The following KLK11 variants were observed in gnomAD, a reference collection of about 807,000 sequenced individuals.
KLK11 encodes the protein kallikrein related peptidase 11.
A neutral mutation model predicts 23.4 loss-of-function variants in KLK11; 10 were observed. The observed-to-expected ratio is 0.43, with a 90% CI of 0.26 to 0.73. The LOEUF (loss-of-function observed/expected upper bound fraction) is 0.73. KLK11 is among the 30% of genes least tolerant of loss of function. KLK11 has a pLI of 0.22. For synonymous variants in KLK11, 131 were observed against 131.7 expected, an observed-to-expected ratio of 0.99 and a Z score of 0.03; for missense variants, 285 against 327.8, an observed-to-expected ratio of 0.87 and a Z score of 1.01.
At chr19:51,027,466 T>C (rs372936267), upstream of KLK11, 264 of 1,613,166 alleles carry the variant, frequency 1.6e-4, no homozygotes, top group Middle Eastern at 9.9e-4. Flanking sequence ...CTGGCTGCTG[T>C]GAGACCTCTG....
Position 51,025,679 on chromosome 19 carries a change from A to T in KLK11, c.-35-13T>A. 1 of 1,465,574 alleles carries T rather than the reference A, an allele frequency of 6.8e-7. No homozygotes were observed. Among genetic ancestry groups the T allele is most frequent in the Non-Finnish European group, 9.3e-7 (1 of 1,078,754 alleles). 90.8% of individuals were successfully genotyped at this position (1,465,574 alleles called of 1,614,324 possible). A position where few individuals can be genotyped will look rare whatever the true frequency, so the allele number is the denominator to read the frequency against. On this transcript the variant is annotated splice_polypyrimidine_tract_variant and intron_variant, in intron 1 of 5. Coordinates refer to ENST00000453757, the MANE Select transcript of KLK11 (RefSeq NM_001136032.3). The surrounding 1 kb of genome is among the most constrained non-coding windows in gnomAD (Gnocchi z 6.2). The stretch of plus-strand genomic sequence containing the variant: ...GCCCCAGGTTCCTCTGGGAACAAGG[A>T]GGGACATGGGGCCGCATCACTTTAC...
intron 5 of KLK11, 86 bp from the exon 6 acceptor site, chr19:51,022,783 T>C: frequency 2.7e-6 from 4 of 1,455,320 alleles, no homozygotes; most frequent in Non-Finnish European, 3.8e-6. Context: ...TGCTTAGGAG[T>C]GGGGCCGAGA....
At position 51,024,664 on chromosome 19, in the gene KLK11, G is replaced by A. The variant is rs200000907; in HGVS notation, c.171C>T (p.Leu57=). ...CGATLIAPRW[L]LTAAHCLKPR... is the part of the protein sequence containing the mutation. The stretch of plus-strand genomic sequence containing the variant: ...GCTTGAGGCAGTGGGCTGCTGTCAG[G>A]AGCCATCTGGGGGCGATGAGCGTCG... The change falls in exon 3 of 6, where the codon CTC becomes CTT. Residue 57 remains leucine, a synonymous_variant. Coordinates refer to ENST00000453757, the MANE Select transcript of KLK11 (RefSeq NM_001136032.3). This position sits in a 1 kb window ranked among gnomAD's most constrained non-coding sequence, Gnocchi z 6.2. 3 of 1,591,528 alleles carry A rather than the reference G, an allele frequency of 1.9e-6. No homozygotes were observed. In the African/African-American group the frequency reaches 4.0e-5, roughly 21 times the overall value.
upstream of KLK11, chr19:51,027,541 CT>C: frequency 6.2e-7 from 1 of 1,613,716 alleles, no homozygotes; most frequent in East Asian, 2.2e-5. Flanking sequence ...GCGCAGATTC[CT>C]GCTTCTCCCA....
chr19:51,023,599 G>A, intron 4 of KLK11: 1 of 223,402 alleles, frequency 4.5e-6, no homozygotes, highest in Non-Finnish European at 8.8e-6. Flanking sequence ...TGGCCAGGCT[G>A]GTATCAAAGT....
At chr19:51,027,330 G>A, upstream of KLK11, 2 of 969,332 alleles carry the variant, frequency 2.1e-6, no homozygotes, top group South Asian at 2.9e-5. Context: ...CCGAGTCCAG[G>A]AAAGGGAACA....
chr19:51,022,271 G>T lies in KLK11; in HGVS notation c.*274C>A. ...AATATTTATTGAAACCTTGATATAT[G>T]GCCAGGAGCTGTCTTTGGGGCTGGG... On this transcript the variant is annotated 3_prime_UTR_variant, in exon 6 of 6. Coordinates refer to ENST00000453757, the MANE Select transcript of KLK11 (RefSeq NM_001136032.3). 1 of 492,116 alleles carries T rather than the reference G, an allele frequency of 2.0e-6. No homozygotes were observed. The highest frequency in any genetic ancestry group is 2.1e-5 in the South Asian group (1 of 47,486). The allele number at this position is 492,116 out of a possible 1,614,324, so 30.5% of individuals were successfully genotyped here.
Position 51,023,202 on chromosome 19 carries a change from C to T in KLK11, c.490G>A (p.Ala164Thr), listed in dbSNP as rs748657722. The T allele has an allele frequency of 1.7e-5, 27 of 1,613,280 alleles. No individual in the cohort carries two copies. The highest frequency in any genetic ancestry group is 1.7e-4 in the Middle Eastern group (1 of 5,898). Reference protein sequence around the residue: ...QLRLPHTLRCANITIIEHQKC... With the variant: ...QLRLPHTLRCTNITIIEHQKC... ...TGGTGCTCAATGATGGTGATGTTGG[C>T]GCATCGCAAGGTGTGAGGCAGGCGT... The change falls in exon 5 of 6, where the codon GCC becomes ACC. Residue 164 changes from alanine (A) to threonine (T), a missense_variant. Transcript: ENST00000453757.
upstream of KLK11, chr19:51,026,698 C>T (rs1037827651): frequency 1.4e-6 from 1 of 726,148 alleles, no homozygotes; most frequent in African/African-American, 1.9e-5. Context: ...GGCCTCCAAG[C>T]CCTGCCTTAA....
intron 1 of KLK11, 123 bp downstream of exon 1, chr19:51,026,415 C>T: frequency 4.0e-6 from 1 of 252,008 alleles, no homozygotes; most frequent in Non-Finnish European, 6.3e-6. Flanking sequence ...AGGCCAGGAA[C>T]CCCCACCCAA....
In KLK11 at chr19:51,024,140, G is replaced by A. The variant is rs1271061116; in HGVS notation, c.368C>T (p.Thr123Ile). 6.2e-7 allele frequency: 1 copy of A among 1,612,132 alleles called. No homozygotes were observed. Among genetic ancestry groups the A allele is most frequent in the Non-Finnish European group, 8.5e-7 (1 of 1,178,584 alleles). Residue 123 changes from threonine (T) to isoleucine (I), a missense_variant, in exon 4 of 6, where the codon ACC becomes ATC. Coordinates refer to ENST00000453757, the MANE Select transcript of KLK11 (RefSeq NM_001136032.3). This position sits in a 1 kb window ranked among gnomAD's most constrained non-coding sequence, Gnocchi z 6.2. Reference sequence around the variant, plus strand: ...GAGGGTGAGGGGTCGCACAGCCCAGGTGATGGAGACTGGCGATGCCATCTT... The same window carrying A: ...GAGGGTGAGGGGTCGCACAGCCCAGATGATGGAGACTGGCGATGCCATCTT... ...LVKMASPVSITWAVRPLTLSS... is the reference protein window; with the variant it reads ...LVKMASPVSIIWAVRPLTLSS...
intron 1 of KLK11, among the ~76,000 whole-genome samples, chr19:51,026,318 G>A (rs1366061006): frequency 6.6e-6 from 1 of 151,994 alleles, no homozygotes; most frequent in Non-Finnish European, 1.5e-5. Context: ...GGGGGTGGGA[G>A]CAGAGGGCCA....
chr19:51,024,530 A>C lies in KLK11; in HGVS notation c.197+108T>G. On this transcript the variant is annotated intron_variant, in intron 3 of 5. Coordinates refer to ENST00000453757, the MANE Select transcript of KLK11 (RefSeq NM_001136032.3). The surrounding 1 kb of genome is among the most constrained non-coding windows in gnomAD (Gnocchi z 6.2). ...CCCATCAACCTTGCTGACACTACCCATCCCCATCTCTAATCCCCTTACCAG... is the reference window on the plus strand; with the variant it reads ...CCCATCAACCTTGCTGACACTACCCCTCCCCATCTCTAATCCCCTTACCAG... The C allele has an allele frequency of 1.6e-6, 2 of 1,228,998 alleles. No homozygotes were observed. Among genetic ancestry groups the C allele is most frequent in the Admixed American group, 3.1e-5 (1 of 31,978 alleles). 76.1% of individuals were successfully genotyped at this position (1,228,998 alleles called of 1,614,324 possible).
rs539170848 is a variant in KLK11 at position 51,025,343 on chromosome 19, C to T, written c.40+249G>A. Among the ~76,000 whole-genome samples the T allele has an allele frequency of 6.6e-6, 1 of 152,254 alleles. No individual in the cohort carries two copies. Among genetic ancestry groups the T allele is most frequent in the Non-Finnish European group, 1.5e-5 (1 of 68,006 alleles). On this transcript the variant is annotated intron_variant, in intron 2 of 5. Transcript: ENST00000453757. The surrounding 1 kb of genome is among the most constrained non-coding windows in gnomAD (Gnocchi z 6.2). ...CTGTCCTGGGCGCTTTGAGTGACTG[C>T]TCCCCCAACTCCAGCTTCCTCAGCC...
At position 51,022,441 on chromosome 19, in the gene KLK11, T is replaced by A; in HGVS notation, c.*104A>T. On this transcript the variant is annotated 3_prime_UTR_variant, in exon 6 of 6. Coordinates refer to ENST00000453757, the MANE Select transcript of KLK11 (RefSeq NM_001136032.3). The stretch of plus-strand genomic sequence containing the variant: ...CCTGTAGTCCAGGAGGCCCAAAGAA[T>A]GTTCGTAGAGGGTCTTGGCTTAGGG... 1 of 1,392,830 alleles carries A rather than the reference T, an allele frequency of 7.2e-7. No homozygotes were observed. Among genetic ancestry groups the A allele is most frequent in the Admixed American group, 1.7e-5 (1 of 58,538 alleles). The allele number at this position is 1,392,830 out of a possible 1,614,324, so 86.3% of individuals were successfully genotyped here.
At position 51,025,748 on chromosome 19, in the gene KLK11, T is replaced by A. The variant is rs1354385724; in HGVS notation, c.-35-82A>T. On this transcript the variant is annotated intron_variant, in intron 1 of 5. Transcript: ENST00000453757. The surrounding 1 kb of genome is among the most constrained non-coding windows in gnomAD (Gnocchi z 6.2). ...GGGCTGGCTCATGCCCTCTCCTCTC[T>A]CCCTCACCTGCTCCCGCTCCCCACT... 3 of 569,296 alleles carry A rather than the reference T, an allele frequency of 5.3e-6. No individual in the cohort carries two copies. The highest frequency in any genetic ancestry group is 9.4e-6 in the Non-Finnish European group (3 of 319,646). 35.3% of individuals were successfully genotyped at this position (569,296 alleles called of 1,614,324 possible).
chr19:51,023,673 C>T (rs879736756), intron 4 of KLK11: 5 of 216,154 alleles, frequency 2.3e-5, no homozygotes, highest in Admixed American at 5.4e-5. Flanking sequence ...GCGTGAGCCA[C>T]GGTGCCCAGC....
Position 51,023,224 on chromosome 19 carries a change from G to A in KLK11, c.468C>T (p.Arg156=). 1 of 1,612,490 alleles carries A rather than the reference G, an allele frequency of 6.2e-7. No homozygotes were observed. Among genetic ancestry groups the A allele is most frequent in the Non-Finnish European group, 8.5e-7 (1 of 1,179,654 alleles). The part of the protein sequence containing the change: ...GWGSTSSPQL[R]LPHTLRCANI... Reference sequence around the variant, plus strand: ...TGGCGCATCGCAAGGTGTGAGGCAGGCGTACTGTGGAAACAGCGTGAGGGG... The same window carrying A: ...TGGCGCATCGCAAGGTGTGAGGCAGACGTACTGTGGAAACAGCGTGAGGGG... Residue 156 remains arginine, a synonymous_variant, in exon 5 of 6, where the codon CGC becomes CGT. Coordinates refer to ENST00000453757, the MANE Select transcript of KLK11 (RefSeq NM_001136032.3).
chr19:51,024,840 G>A lies in KLK11; in HGVS notation c.41-46C>T. ...AGAAGGGGCTCAGGAAGGAGAGGTG[G>A]TAGACCAGGAGGACTCCCAGAAATG... is the stretch of plus-strand genomic sequence containing the variant. On this transcript the variant is annotated intron_variant, in intron 2 of 5. Coordinates refer to ENST00000453757, the MANE Select transcript of KLK11 (RefSeq NM_001136032.3). The surrounding 1 kb of genome is among the most constrained non-coding windows in gnomAD (Gnocchi z 6.2). 6.7e-7 allele frequency: 1 copy of A among 1,500,222 alleles called. No homozygotes were observed. The allele number at this position is 1,500,222 out of a possible 1,614,324, so 92.9% of individuals were successfully genotyped here.
Sources: allele counts gnomAD v4.1 joint callset (sites outside exome capture counted in the v4.1 genomes callset), GRCh38; gene constraint gnomAD v4.1.1; non-coding constraint Gnocchi (gnomAD v3.1); transcripts MANE v1.5; gene names NCBI Gene and HGNC (gene_info 2026-07-23, HGNC 2026-07-21).